The following NBEA variants were observed in gnomAD, a reference collection of about 807,000 sequenced individuals.
The protein encoded by NBEA is neurobeachin.
Under a neutral mutation model 343.4 loss-of-function variants are expected in NBEA, and 44 were observed. That is an observed-to-expected ratio of 0.13 (90% CI 0.10 to 0.16). The LOEUF is 0.16. Ranked by LOEUF, NBEA falls within the 10% of genes least tolerant of loss-of-function variation. The pLI is 1.00. For synonymous variants in NBEA, 1,175 were observed against 1,238.7 expected, an observed-to-expected ratio of 0.95 and a Z score of 1.08; for missense variants, 2,555 against 3,631.3, an observed-to-expected ratio of 0.70 and a Z score of 7.62.
chr13:35,353,012 T>A (rs1375187700), intron 38 of NBEA, among the ~76,000 whole-genome samples: 2 of 152,164 alleles, frequency 1.3e-5, no homozygotes, highest in Non-Finnish European at 2.9e-5. Context: ...GTTCTTCCTT[T>A]TTATATTATG....
At chr13:35,471,725 C>A (rs144539299) in intron 40 of NBEA, among the ~76,000 whole-genome samples, 1 of 152,070 alleles carries the variant, frequency 6.6e-6, no homozygotes, top group Non-Finnish European at 1.5e-5. Flanking sequence ...TTTTGAGAAC[C>A]GTTTTGTTCA....
chr13:35,335,012 A>AT (rs2039163625), intron 36 of NBEA, among the ~76,000 whole-genome samples: 1 of 152,088 alleles, frequency 6.6e-6, no homozygotes, highest in Non-Finnish European at 1.5e-5. Flanking sequence ...TCTTTAATCC[A>AT]TTTTGATTTG....
chr13:35,031,767 A>G (rs1322087427), intron 1 of NBEA, among the ~76,000 whole-genome samples: 1 of 151,522 alleles, frequency 6.6e-6, no homozygotes, highest in Non-Finnish European at 1.5e-5. Flanking sequence ...CCAGTACCCA[A>G]TAGTTATCTT....
At chr13:35,244,582 G>C (rs992673465) in intron 34 of NBEA, among the ~76,000 whole-genome samples, 2 of 152,038 alleles carry the variant, frequency 1.3e-5, no homozygotes, top group African/African-American at 4.8e-5. Flanking sequence ...GATTAGTCTT[G>C]CTTTGGCTAT....
intron 49 of NBEA, among the ~76,000 whole-genome samples, chr13:35,639,063 T>C (rs556222552): frequency 6.6e-6 from 1 of 152,292 alleles, no homozygotes; most frequent in East Asian, 1.9e-4. Context: ...ATTAAGGCAA[T>C]TGTGGTCCCT....
intron 11 of NBEA, among the ~76,000 whole-genome samples, chr13:35,101,888 A>G (rs1279635920): frequency 2.0e-5 from 3 of 151,596 alleles, no homozygotes; most frequent in Admixed American, 1.3e-4. Context: ...CTTAATGGTG[A>G]TTTTTGATAA....
Position 35,349,135 on chromosome 13 carries a change from T to C in NBEA, c.5931T>C (p.His1977=). ...GRLLCHAMKD[H]IVRVANEAEF... The stretch of plus-strand genomic sequence containing the variant: ...TACTGTGCCATGCTATGAAGGACCA[T>C]ATAGTCCGTGTTGCAAATGAAGCTG... Residue 1977 remains histidine (H), a synonymous_variant, in exon 37 of 59, where the codon CAT becomes CAC. Transcript: ENST00000379939. 6.2e-7 allele frequency: 1 copy of C among 1,606,716 alleles called. No homozygotes were observed. Among genetic ancestry groups the C allele is most frequent in the Non-Finnish European group, 8.5e-7 (1 of 1,175,384 alleles).
intron 41 of NBEA, among the ~76,000 whole-genome samples, chr13:35,539,920 A>G (rs1566289182): frequency 8.2e-6 from 1 of 122,340 alleles, no homozygotes; most frequent in Non-Finnish European, 1.8e-5. Context: ...CGTCTCAAAA[A>G]AAAAAAAAAA....
chr13:34,976,352 C>A (rs1010771795), intron 1 of NBEA, among the ~76,000 whole-genome samples: 4 of 152,086 alleles, frequency 2.6e-5, no homozygotes, highest in African/African-American at 4.8e-5. Context: ...TGTTCTCACT[C>A]ATATGTGAGA....
intron 34 of NBEA, chr13:35,251,130 G>T: frequency 4.7e-6 from 1 of 215,026 alleles, no homozygotes; most frequent in South Asian, 8.5e-5. Context: ...GTGGATGCTG[G>T]GCACAGAGCT....
In NBEA at chr13:35,536,150, A is replaced by C. The variant is rs541496869; in HGVS notation, c.6586-14327A>C. Among the ~76,000 whole-genome samples the C allele has an allele frequency of 2.0e-5, 3 of 152,296 alleles. No homozygotes were observed. In the South Asian group the frequency reaches 6.2e-4, roughly 32 times the overall value. The stretch of plus-strand genomic sequence containing the variant: ...AATATGCTTCACAAACTCGGAACCC[A>C]TATTTTATGATAGCTTTCAGTTGCT... On this transcript the variant is annotated intron_variant, in intron 41 of 58. Coordinates refer to ENST00000379939, the MANE Select transcript of NBEA (RefSeq NM_001385012.1).
chr13:35,486,232 TC>T (rs2076298310), intron 41 of NBEA, among the ~76,000 whole-genome samples: 1 of 152,222 alleles, frequency 6.6e-6, no homozygotes, highest in African/African-American at 2.4e-5. Flanking sequence ...TCAAATATGA[TC>T]TTTTAAGTTA....
chr13:35,104,349 T>G, intron 11 of NBEA, among the ~76,000 whole-genome samples: 1 of 151,978 alleles, frequency 6.6e-6, no homozygotes, highest in East Asian at 1.9e-4. Context: ...TATTTTTTAC[T>G]AATTTTCTGC....
At chr13:35,482,948 T>C (rs1317137645) in intron 41 of NBEA, among the ~76,000 whole-genome samples, 1 of 151,914 alleles carries the variant, frequency 6.6e-6, no homozygotes, top group Non-Finnish European at 1.5e-5. Flanking sequence ...TCTGGCTGTT[T>C]TAGTTTTATA....
chr13:35,635,530 A>C (rs943717600), intron 49 of NBEA, among the ~76,000 whole-genome samples: 5 of 152,122 alleles, frequency 3.3e-5, no homozygotes, highest in Non-Finnish European at 7.4e-5. Flanking sequence ...TGGAAAGAAA[A>C]CCCCTACATT....
intron 48 of NBEA, among the ~76,000 whole-genome samples, chr13:35,619,863 G>C (rs1448371302): frequency 6.6e-6 from 1 of 152,162 alleles, no homozygotes; most frequent in Admixed American, 6.5e-5. Flanking sequence ...CTGAGAGCTA[G>C]TTATGAGCAA....
chr13:35,398,028 G>T (rs954368716), intron 38 of NBEA, among the ~76,000 whole-genome samples: 2 of 152,128 alleles, frequency 1.3e-5, no homozygotes, highest in African/African-American at 4.8e-5. Context: ...CAAAATTGGA[G>T]TCAGTCCTCT....
intron 39 of NBEA, among the ~76,000 whole-genome samples, chr13:35,432,640 GTTATTA>G (rs2045197945): frequency 6.6e-6 from 1 of 151,384 alleles, no homozygotes; most frequent in Non-Finnish European, 1.5e-5. Flanking sequence ...CACATAGTTA[GTTATTA>G]ACTAACAGTC....
chr13:35,554,346 A>G (rs990762950), intron 43 of NBEA, among the ~76,000 whole-genome samples: 1 of 149,802 alleles, frequency 6.7e-6, no homozygotes, highest in Middle Eastern at 3.4e-3. Flanking sequence ...TCTAAATACA[A>G]CTGCTTTTGT....
Sources: gnomAD v4.1 joint callset for allele counts (sites outside exome capture counted in the v4.1 genomes callset) on GRCh38, gnomAD v4.1.1 for gene constraint, MANE v1.5 for transcripts, NCBI Gene and HGNC (gene_info 2026-07-23, HGNC 2026-07-21) for gene names.